The following SUSD5 variants were observed in gnomAD, a reference collection of about 807,000 sequenced individuals.
SUSD5 encodes sushi domain-containing protein 5.
In SUSD5, 33 loss-of-function variants were observed where a neutral mutation model predicts 29.5. That is an observed-to-expected ratio of 1.12 (90% CI 0.85 to 1.49). The LOEUF (loss-of-function observed/expected upper bound fraction) is 1.49. SUSD5 is among the 40% of genes most tolerant of loss of function. The pLI is 0.00. For missense variants in SUSD5, 776 were observed against 800.6 expected (o/e 0.97, Z 0.37); for synonymous variants, 308 against 325.3 (o/e 0.95, Z 0.57).
At chr3:33,158,959 A>T (rs753222366) in intron 4 of SUSD5, among the ~76,000 whole-genome samples, 3 of 152,158 alleles carry the variant, frequency 2.0e-5, no homozygotes, top group Non-Finnish European at 4.4e-5. Context: ...AGAACCCCAG[A>T]TTCTATTTTA....
chr3:33,203,149 T>C (rs372720013), intron 3 of SUSD5, among the ~76,000 whole-genome samples: 36 of 152,344 alleles, frequency 2.4e-4, no homozygotes, highest in African/African-American at 8.4e-4. Flanking sequence ...AGATTTCCCT[T>C]GTTGACTGTG....
intron 3 of SUSD5, among the ~76,000 whole-genome samples, chr3:33,180,944 C>T (rs2125622932): frequency 6.7e-6 from 1 of 149,980 alleles, no homozygotes; most frequent in East Asian, 2.0e-4. Flanking sequence ...TCAGGCCTTC[C>T]AAAGTGCTGG....
intron 2 of SUSD5, among the ~76,000 whole-genome samples, chr3:33,210,853 G>A (rs1457403701): frequency 1.3e-5 from 2 of 148,980 alleles, no homozygotes; most frequent in African/African-American, 4.9e-5. Context: ...AATATAACAA[G>A]TATATTTTCT....
At chr3:33,157,576 C>T (rs2031083033) in intron 4 of SUSD5, among the ~76,000 whole-genome samples, 1 of 152,194 alleles carries the variant, frequency 6.6e-6, no homozygotes, top group African/African-American at 2.4e-5. Context: ...CCACTTTTCC[C>T]TGCATCAAGT....
intron 3 of SUSD5, among the ~76,000 whole-genome samples, chr3:33,188,466 A>G (rs1339643413): frequency 6.6e-6 from 1 of 152,202 alleles, no homozygotes; most frequent in Non-Finnish European, 1.5e-5. Context: ...AGTGGTTCTC[A>G]AAGATGAACA....
Position 33,153,405 on chromosome 3 carries a change from A to G in SUSD5, c.1227T>C (p.Pro409=), listed in dbSNP as rs1283991328. ...VGLDENVLVT[P]DQPILVEVKK... ...TAACTTCCACAAGAATGGGCTGATC[A>G]GGAGTAACTAGGACGTTTTCATCCA... Residue 409 remains proline (P), a synonymous_variant, in exon 5 of 5, where the codon CCT becomes CCC. Coordinates refer to ENST00000309558, the MANE Select transcript of SUSD5 (RefSeq NM_015551.2). 3.1e-6 allele frequency: 5 copies of G among 1,613,754 alleles called. No homozygotes were observed. The Admixed American group carries it at 6.7e-5, about 22-fold the overall frequency.
At chr3:33,169,948 C>T (rs547791206) in intron 4 of SUSD5, among the ~76,000 whole-genome samples, 3 of 151,604 alleles carry the variant, frequency 2.0e-5, no homozygotes, top group Non-Finnish European at 2.9e-5. Flanking sequence ...GACAGAGTCT[C>T]GCTCTATCAC....
intron 3 of SUSD5, among the ~76,000 whole-genome samples, chr3:33,176,420 A>G (rs1211720745): frequency 6.6e-6 from 1 of 152,206 alleles, no homozygotes; most frequent in Non-Finnish European, 1.5e-5. Flanking sequence ...AAGAACTGCC[A>G]AACTGTCTTC....
At position 33,196,557 on chromosome 3, in the gene SUSD5, T is replaced by C. The variant is rs116785325; in HGVS notation, c.409+11251A>G. Among the ~76,000 whole-genome samples the C allele has an allele frequency of 3.1e-3, 475 of 152,310 alleles. 4 individuals are homozygous for C. Among genetic ancestry groups the C allele is most frequent in the African/African-American group, 0.011 (462 of 41,572 alleles). On this transcript the variant is annotated intron_variant, in intron 3 of 4. Coordinates refer to ENST00000309558, the MANE Select transcript of SUSD5 (RefSeq NM_015551.2). Reference sequence around the variant, plus strand: ...TATCTTTGTTTTAACAAAAAAGAACTTCTGTAGAGAGCAGGGGAAAGCACA... The same window carrying C: ...TATCTTTGTTTTAACAAAAAAGAACCTCTGTAGAGAGCAGGGGAAAGCACA...
intron 4 of SUSD5, among the ~76,000 whole-genome samples, chr3:33,160,357 G>C (rs1372781084): frequency 1.3e-5 from 2 of 150,786 alleles, no homozygotes; most frequent in Non-Finnish European, 3.0e-5. Context: ...CCAGGAGTGA[G>C]ACCAGCCTCA....
chr3:33,169,993 C>A (rs1423562219), intron 4 of SUSD5, among the ~76,000 whole-genome samples: 1 of 152,124 alleles, frequency 6.6e-6, no homozygotes, highest in Non-Finnish European at 1.5e-5. Flanking sequence ...TCTCAGCTCA[C>A]TGCAACCTCC....
chr3:33,203,819 A>G (rs1285348833), intron 3 of SUSD5, among the ~76,000 whole-genome samples: 1 of 152,156 alleles, frequency 6.6e-6, no homozygotes, highest in African/African-American at 2.4e-5. Context: ...AGGCGCTCCC[A>G]TGATTCAGTG....
At chr3:33,154,979 T>G (rs1016751301) in intron 4 of SUSD5, among the ~76,000 whole-genome samples, 1 of 152,166 alleles carries the variant, frequency 6.6e-6, no homozygotes, top group Non-Finnish European at 1.5e-5. Flanking sequence ...CAAGGCGATA[T>G]TGAAAAAGAA....
chr3:33,199,213 T>TTC (rs888599389), intron 3 of SUSD5, among the ~76,000 whole-genome samples: 2 of 101,352 alleles, frequency 2.0e-5, no homozygotes, highest in Non-Finnish European at 2.1e-5. Context: ...AGGGGAGAAT[T>TTC]TCACACACAC....
intron 3 of SUSD5, among the ~76,000 whole-genome samples, chr3:33,178,729 C>T (rs947620782): frequency 6.6e-5 from 10 of 152,142 alleles, no homozygotes; most frequent in Admixed American, 6.5e-5. Context: ...TGAGCCACCG[C>T]GCCTGGCCCG....
In SUSD5 at chr3:33,202,943, C is replaced by T. The variant is rs72861022; in HGVS notation, c.409+4865G>A. ...AGGTCTGCCATTTTTGGAATTAGCA[C>T]TCTTCATTCTTCCAGTCTTGCCAAA... On this transcript the variant is annotated intron_variant, in intron 3 of 4. Coordinates refer to ENST00000309558, the MANE Select transcript of SUSD5 (RefSeq NM_015551.2). 5.6e-3 allele frequency among the ~76,000 whole-genome samples: 850 copies of T among 152,298 alleles called. 5 individuals are homozygous for T. The highest frequency in any genetic ancestry group is 0.019 in the African/African-American group (791 of 41,568).
rs149412673 is a variant in SUSD5 at position 33,186,324 on chromosome 3, G to T, written c.410-11250C>A. ...CTCAAAAGAAAAAAAAAAGAAGATA[G>T]ACTGAGAAATGATGAAAATAGAAAA... On this transcript the variant is annotated intron_variant, in intron 3 of 4. Transcript: ENST00000309558. 5.3e-5 allele frequency among the ~76,000 whole-genome samples: 8 copies of T among 151,920 alleles called. No individual in the cohort carries two copies. The East Asian group carries it at 1.5e-3, about 29-fold the overall frequency.
Position 33,204,071 on chromosome 3 carries a change from G to C in SUSD5, c.409+3737C>G, listed in dbSNP as rs2125631050. On this transcript the variant is annotated intron_variant, in intron 3 of 4. Coordinates refer to ENST00000309558, the MANE Select transcript of SUSD5 (RefSeq NM_015551.2). The surrounding 1 kb of genome is among the most constrained non-coding windows in gnomAD (Gnocchi z 4.5). ...CTGGGAATACAGGGTGCGCCACCAT[G>C]CCTGGCTAATTTTTTTTATTTTTTG... Among the ~76,000 whole-genome samples the C allele has an allele frequency of 6.6e-6, 1 of 151,930 alleles. No homozygotes were observed. The highest frequency in any genetic ancestry group is 2.4e-5 in the African/African-American group (1 of 41,450).
intron 3 of SUSD5, among the ~76,000 whole-genome samples, chr3:33,195,647 GTTTAA>G (rs1003253075): frequency 6.6e-6 from 1 of 150,468 alleles, no homozygotes; most frequent in Non-Finnish European, 1.5e-5. Context: ...ACAGGAGAAT[GTTTAA>G]TTTATAGTAC....
Sources: gnomAD v4.1 joint callset for allele counts (sites outside exome capture counted in the v4.1 genomes callset) on GRCh38, gnomAD v4.1.1 for gene constraint, Gnocchi (gnomAD v3.1) non-coding constraint, MANE v1.5 for transcripts, NCBI Gene and HGNC (gene_info 2026-07-23, HGNC 2026-07-21) for gene names.